The following EML4 variants were observed in gnomAD, a reference collection of about 807,000 sequenced individuals.
EML4 encodes echinoderm microtubule-associated protein-like 4.
In EML4, 72 loss-of-function variants were observed where a neutral mutation model predicts 129.0. The ratio of observed to expected loss-of-function variants is 0.56; its 90% CI spans 0.46 to 0.68. The LOEUF is 0.68. Ranked by LOEUF, EML4 falls within the 30% of genes least tolerant of loss-of-function variation. The probability of loss-of-function intolerance (pLI) is 0.00; values close to 1 mark genes in which losing one functional copy is unlikely to be tolerated. For synonymous variants in EML4, 532 were observed against 405.0 expected (o/e 1.31, Z -3.77); for missense variants, 1,363 against 1,190.6 (o/e 1.14, Z -2.13).
intron 2 of EML4, among the ~76,000 whole-genome samples, chr2:42,254,941 G>C (rs568304069): frequency 1.3e-5 from 2 of 152,258 alleles, no homozygotes; most frequent in Admixed American, 1.3e-4. Flanking sequence ...ATATTTTTCT[G>C]TTATAAAGAA....
intron 1 of EML4, among the ~76,000 whole-genome samples, chr2:42,218,256 A>G (rs1200015773): frequency 6.6e-6 from 1 of 151,988 alleles, no homozygotes; most frequent in Non-Finnish European, 1.5e-5. Context: ...ATGAGAATCT[A>G]ATGCCTGATC....
chr2:42,276,743 T>TG (rs1666680179), intron 6 of EML4, among the ~76,000 whole-genome samples: 1 of 152,212 alleles, frequency 6.6e-6, no homozygotes, highest in African/African-American at 2.4e-5. Context: ...AAGCCAGTCT[T>TG]GCAGTTAACA....
chr2:42,226,767 A>T (rs1385432468), intron 1 of EML4, among the ~76,000 whole-genome samples: 1 of 152,182 alleles, frequency 6.6e-6, no homozygotes, highest in East Asian at 1.9e-4. Context: ...GCTACGTGAG[A>T]TAATGCATAT....
intron 3 of EML4, among the ~76,000 whole-genome samples, chr2:42,257,406 A>G (rs757043404): frequency 2.0e-5 from 3 of 152,238 alleles, no homozygotes; most frequent in South Asian, 2.1e-4. Flanking sequence ...GTAACAATGT[A>G]CTGATGGAAA....
intron 17 of EML4, among the ~76,000 whole-genome samples, chr2:42,311,114 CT>C (rs1668918566): frequency 6.6e-6 from 1 of 152,104 alleles, no homozygotes; most frequent in South Asian, 2.1e-4. Context: ...CAGTAAATGA[CT>C]TAAGAGTTTT....
chr2:42,287,691 A>G (rs1667386624), intron 10 of EML4, among the ~76,000 whole-genome samples: 1 of 152,228 alleles, frequency 6.6e-6, no homozygotes, highest in Non-Finnish European at 1.5e-5. Context: ...TTCATTATAA[A>G]AAAGGAATTT....
At chr2:42,191,957 C>T (rs1317419598) in intron 1 of EML4, among the ~76,000 whole-genome samples, 1 of 151,892 alleles carries the variant, frequency 6.6e-6, no homozygotes, top group Non-Finnish European at 1.5e-5. Context: ...CAGGCCAACA[C>T]GGTGAAACTC....
chr2:42,173,584 C>T (rs970416164), intron 1 of EML4, among the ~76,000 whole-genome samples: 2 of 152,168 alleles, frequency 1.3e-5, no homozygotes, highest in Admixed American at 6.5e-5. Context: ...TGCAGTGGCT[C>T]ACGCCTGTAG....
intron 1 of EML4, among the ~76,000 whole-genome samples, chr2:42,178,315 G>A (rs1670730482): frequency 6.6e-6 from 1 of 151,984 alleles, no homozygotes; most frequent in African/African-American, 2.4e-5. Flanking sequence ...GGCCAGGGTA[G>A]GAATATCACT....
intron 2 of EML4, among the ~76,000 whole-genome samples, chr2:42,251,328 C>T (rs1410081120): frequency 6.6e-6 from 1 of 152,216 alleles, no homozygotes; most frequent in Non-Finnish European, 1.5e-5. Flanking sequence ...TGCAGTCCAT[C>T]GTGGAACAAG....
chr2:42,330,701 G>A lies in EML4; in HGVS notation c.*494G>A, dbSNP rs1670060237. ...TACCCTCTCACCCCAAATGTGTAAT[G>A]GAAAATTTTTAATTAAGAAAAACTT... On this transcript the variant is annotated 3_prime_UTR_variant, in exon 23 of 23. Transcript: ENST00000318522. 4 of 226,432 alleles carry A rather than the reference G, an allele frequency of 1.8e-5. No individual in the cohort carries two copies. Among genetic ancestry groups the A allele is most frequent in the Non-Finnish European group, 3.6e-5 (4 of 111,926 alleles). 14.0% of individuals were successfully genotyped at this position (226,432 alleles called of 1,614,324 possible).
At chr2:42,213,767 C>T (rs903084358) in intron 1 of EML4, among the ~76,000 whole-genome samples, 2 of 152,008 alleles carry the variant, frequency 1.3e-5, no homozygotes, top group African/African-American at 4.8e-5. Flanking sequence ...ATTTTTAGGT[C>T]TAGGAAAGAT....
intron 13 of EML4, among the ~76,000 whole-genome samples, chr2:42,297,562 G>A (rs1572711752): frequency 6.6e-6 from 1 of 152,226 alleles, no homozygotes; most frequent in Admixed American, 6.5e-5. Flanking sequence ...TATGGGCAAA[G>A]TTGCTAAGAA....
At chr2:42,232,667 T>G (rs10174872) in intron 1 of EML4, among the ~76,000 whole-genome samples, 18,220 of 152,288 alleles carry the variant, frequency 0.12, 1,137 homozygotes, top group East Asian at 0.17. Context: ...TGAGTCTTAC[T>G]TGTAGAAACA....
At chr2:42,235,008 T>A (rs1001774217) in intron 1 of EML4, among the ~76,000 whole-genome samples, 1 of 151,954 alleles carries the variant, frequency 6.6e-6, no homozygotes, top group Non-Finnish European at 1.5e-5. Context: ...AATACAAAAA[T>A]TAGCGGGTCA....
At chr2:42,277,819 G>A (rs547016398) in intron 6 of EML4, among the ~76,000 whole-genome samples, 145 of 152,144 alleles carry the variant, frequency 9.5e-4, no homozygotes, top group Non-Finnish European at 1.3e-3. Flanking sequence ...TGTCTGCCTC[G>A]GCCTCCCAAA....
At chr2:42,187,839 C>T (rs1352193300) in intron 1 of EML4, among the ~76,000 whole-genome samples, 1 of 152,070 alleles carries the variant, frequency 6.6e-6, no homozygotes, top group Non-Finnish European at 1.5e-5. Context: ...TTGATGAAAT[C>T]CATTTATCAG....
chr2:42,304,669 T>C (rs1668492621), intron 17 of EML4, 118 bp downstream of exon 17: 2 of 788,708 alleles, frequency 2.5e-6, no homozygotes, highest in Non-Finnish European at 4.4e-6. Flanking sequence ...AATATGCTTG[T>C]TGTTCTTATC....
At chr2:42,320,091 C>T (rs910948046) in intron 19 of EML4, 16 of 152,094 alleles carry the variant, frequency 1.1e-4, no homozygotes, top group African/African-American at 3.9e-4. Flanking sequence ...GGCTGGTACC[C>T]AATGATGTGA....
Sources: gnomAD v4.1 joint callset for allele counts (sites outside exome capture counted in the v4.1 genomes callset) on GRCh38, gnomAD v4.1.1 for gene constraint, MANE v1.5 for transcripts, NCBI Gene and HGNC (gene_info 2026-07-23, HGNC 2026-07-21) for gene names.